Variants in HMCN1 observed in about 807,000 individuals in gnomAD.
HMCN1 encodes hemicentin 1.
HMCN1 carries 321 observed loss-of-function variants against 625.9 expected under a neutral mutation model. The ratio of observed to expected loss-of-function variants is 0.51; its 90% CI spans 0.47 to 0.56. The LOEUF (loss-of-function observed/expected upper bound fraction) is 0.56, where lower values mean the gene tolerates loss of function less well. HMCN1 is among the 20% of genes least tolerant of loss of function. The pLI, the probability that HMCN1 is intolerant of heterozygous loss-of-function variation, is 0.00. For synonymous variants in HMCN1, 2,425 were observed against 2,417.6 expected (o/e 1.00, Z -0.09); for missense variants, 6,588 against 6,887.3 (o/e 0.96, Z 1.54).
intron 1 of HMCN1, among the ~76,000 whole-genome samples, chr1:185,835,740 T>C (rs370335840): frequency 1.3e-5 from 2 of 150,200 alleles, no homozygotes; most frequent in East Asian, 1.9e-4. Context: ...ATATTTTAAA[T>C]ATTTCTTCTA....
At chr1:186,100,163 G>A (rs896701586) in intron 68 of HMCN1, among the ~76,000 whole-genome samples, 7 of 152,074 alleles carry the variant, frequency 4.6e-5, no homozygotes, top group African/African-American at 1.7e-4. Context: ...GATATTCTTA[G>A]TGGAATTCTT....
chr1:186,144,376 A>C (rs773353075), intron 90 of HMCN1, 33 bp downstream of exon 90: 1 of 1,608,568 alleles, frequency 6.2e-7, no homozygotes. Flanking sequence ...ACCTTAATAA[A>C]TTAACATCTA....
At chr1:185,880,310 A>C (rs890469198) in intron 4 of HMCN1, among the ~76,000 whole-genome samples, 1 of 152,220 alleles carries the variant, frequency 6.6e-6, no homozygotes, top group Non-Finnish European at 1.5e-5. Flanking sequence ...GCAAAAGTAC[A>C]AAAAGGAGAT....
intron 105 of HMCN1, among the ~76,000 whole-genome samples, chr1:186,183,013 CTTATA>C (rs1219842736): frequency 6.6e-6 from 1 of 152,082 alleles, no homozygotes; most frequent in Non-Finnish European, 1.5e-5. Flanking sequence ...GCAACATGTA[CTTATA>C]TTAAGGAGAA....
chr1:185,756,545 T>C (rs988747645), intron 1 of HMCN1, among the ~76,000 whole-genome samples: 1 of 151,850 alleles, frequency 6.6e-6, no homozygotes, highest in Non-Finnish European at 1.5e-5. Context: ...TAAATTGTAG[T>C]GAAGATTAAA....
intron 1 of HMCN1, among the ~76,000 whole-genome samples, chr1:185,841,582 A>T (rs969909170): frequency 6.6e-6 from 1 of 152,158 alleles, no homozygotes. Context: ...TTCCTCCTAT[A>T]TTCAAACACT....
chr1:185,751,942 T>C lies in HMCN1; in HGVS notation c.268+16895T>C, dbSNP rs1410196530. Among the ~76,000 whole-genome samples the C allele has an allele frequency of 2.6e-5, 4 of 152,250 alleles. No homozygotes were observed. The East Asian group carries it at 7.7e-4, about 29-fold the overall frequency. On this transcript the variant is annotated intron_variant, in intron 1 of 106. Coordinates refer to ENST00000271588, the MANE Select transcript of HMCN1 (RefSeq NM_031935.3). ...GAGTGGTGCAAATTCTCCCATCTAT[T>C]TGGTCTGCTGACTGTCTGTCATTGT...
In HMCN1 at chr1:186,081,386, A is replaced by G; in HGVS notation, c.8779A>G (p.Ile2927Val). 1 of 1,610,110 alleles carries G rather than the reference A, an allele frequency of 6.2e-7. No homozygotes were observed. The highest frequency in any genetic ancestry group is 8.5e-7 in the Non-Finnish European group (1 of 1,176,518). The change falls in exon 56 of 107, where the codon ATT (isoleucine) becomes GTT (valine). Residue 2927 changes from isoleucine to valine, a missense_variant. By Grantham distance (29) the Ile-to-Val change is conservative. Transcript: ENST00000271588. The part of the protein sequence containing the change: ...DHHKFLSNGR[I>V]LQILNTQITD... Reference sequence around the variant, plus strand: ...TCATAAATTTCTATCTAATGGACGAATTCTGCAGGTAAAAGTAAAGAAAGA... The same window carrying G: ...TCATAAATTTCTATCTAATGGACGAGTTCTGCAGGTAAAAGTAAAGAAAGA...
At chr1:185,900,999 T>A (rs1271895826) in intron 4 of HMCN1, among the ~76,000 whole-genome samples, 1 of 151,936 alleles carries the variant, frequency 6.6e-6, no homozygotes, top group African/African-American at 2.4e-5. Context: ...CCAACTTCTG[T>A]CTGAAAGTGA....
chr1:185,895,830 T>A (rs1298226999), intron 4 of HMCN1, among the ~76,000 whole-genome samples: 1 of 152,222 alleles, frequency 6.6e-6, no homozygotes. Context: ...GTGTTAGGAT[T>A]TGCCCTTTCC....
intron 2 of HMCN1, among the ~76,000 whole-genome samples, chr1:185,854,027 A>G (rs1212574585): frequency 1.3e-5 from 2 of 152,206 alleles, no homozygotes; most frequent in African/African-American, 2.4e-5. Context: ...ATTCCCCACA[A>G]TAAGTACTAA....
At chr1:185,851,649 G>T (rs1662168868) in intron 2 of HMCN1, among the ~76,000 whole-genome samples, 1 of 152,078 alleles carries the variant, frequency 6.6e-6, no homozygotes, top group African/African-American at 2.4e-5. Context: ...AATATGCAGT[G>T]CAAAGCCTTG....
chr1:185,735,737 A>G (rs1419391105), intron 1 of HMCN1, among the ~76,000 whole-genome samples: 1 of 152,206 alleles, frequency 6.6e-6, no homozygotes, highest in Non-Finnish European at 1.5e-5. Context: ...TTTTTGCCCT[A>G]AAGCCGTAGG....
At chr1:186,007,464 C>T (rs1411586219) in intron 30 of HMCN1, among the ~76,000 whole-genome samples, 182 bp downstream of exon 30, 1 of 151,976 alleles carries the variant, frequency 6.6e-6, no homozygotes, top group African/African-American at 2.4e-5. Flanking sequence ...AATTTTAATG[C>T]CTTTTTTCAT....
chr1:185,950,751 T>A (rs1668611577), intron 11 of HMCN1, among the ~76,000 whole-genome samples: 1 of 151,536 alleles, frequency 6.6e-6, no homozygotes, highest in East Asian at 1.9e-4. Context: ...GGATTAAGGG[T>A]GCAAAGGAAT....
chr1:186,000,096 G>T lies in HMCN1; in HGVS notation c.3926G>T (p.Gly1309Val). ...TTACACAATGGTAGAGAGTTGACAG[G>T]CAGAGAGCCTGGCATTTCTATCTTG... ...KWLHNGRELT[G>V]REPGISILED... Residue 1309 changes from glycine (G) to valine (V), a missense_variant, in exon 26 of 107, where the codon GGC becomes GTC. Around this residue, in one of 3 missense-constraint regions of HMCN1, gnomAD observed 4,628 missense variants for 4,853.1 expected, o/e 0.95. Transcript: ENST00000271588. 6.2e-7 allele frequency: 1 copy of T among 1,613,052 alleles called. No individual in the cohort carries two copies. The highest frequency in any genetic ancestry group is 8.5e-7 in the Non-Finnish European group (1 of 1,179,358).
In HMCN1 at chr1:185,928,613, A is replaced by T; in HGVS notation, c.1498A>T (p.Ile500Phe). Residue 500 changes from isoleucine to phenylalanine, a missense_variant, in exon 10 of 107, where the codon ATT becomes TTT. By Grantham distance (21) the Ile-to-Phe change is conservative. Coordinates refer to ENST00000271588, the MANE Select transcript of HMCN1 (RefSeq NM_031935.3). Reference protein sequence around the residue: ...TLSDEGFYECIAVSSAGTGRA... With the variant: ...TLSDEGFYECFAVSSAGTGRA... ...GTCTGACGAAGGTTTCTATGAATGC[A>T]TTGCTGTCAGCAGTGCAGGTACTGG... 1.9e-6 allele frequency: 3 copies of T among 1,613,572 alleles called. No homozygotes were observed. The highest frequency in any genetic ancestry group is 2.2e-5 in the East Asian group (1 of 44,864).
rs1443771508 is a variant in HMCN1, at chr1:186,001,439, T to G, written c.4200+11T>G. Reference sequence around the variant, plus strand: ...AAAGATAATGTCCAGGTAAATAGAGTCATCCAAATACGTGTAATTCCTTGC... The same window carrying G: ...AAAGATAATGTCCAGGTAAATAGAGGCATCCAAATACGTGTAATTCCTTGC... On this transcript the variant is annotated intron_variant, in intron 27 of 106. Transcript: ENST00000271588. The G allele has an allele frequency of 1.2e-6, 2 of 1,612,078 alleles. No homozygotes were observed. Among genetic ancestry groups the G allele is most frequent in the Non-Finnish European group, 1.7e-6 (2 of 1,178,578 alleles).
intron 36 of HMCN1, among the ~76,000 whole-genome samples, chr1:186,030,744 TCATTTTTTGTTTTTCTCTTTCTC>T (rs1655376848): frequency 1.2e-4 from 19 of 152,078 alleles, no homozygotes; most frequent in Admixed American, 1.2e-3. Flanking sequence ...ATTTATTATG[TCATTTTTTGTTTTTCTCTTTCTC>T]CATTGCTAAC....
Sources: allele counts gnomAD v4.1 joint callset (sites outside exome capture counted in the v4.1 genomes callset), GRCh38; gene constraint gnomAD v4.1.1; regional missense constraint gnomAD v4.1.1; transcripts MANE v1.5; gene names NCBI Gene and HGNC (gene_info 2026-07-23, HGNC 2026-07-21).